The following UNC13B variants were observed in gnomAD, a reference collection of about 807,000 sequenced individuals.
UNC13B encodes protein unc-13 homolog B.
In UNC13B, 144 loss-of-function variants were observed where a neutral mutation model predicts 211.0. That is an observed-to-expected ratio of 0.68 (90% confidence interval 0.60 to 0.78). The LOEUF is 0.78. Among genes scored for constraint, UNC13B ranks in the 30% least tolerant of loss-of-function variants. The probability of loss-of-function intolerance (pLI) is 0.00; values close to 1 mark genes in which losing one functional copy is unlikely to be tolerated. For missense variants in UNC13B, 1,777 were observed against 2,002.0 expected (o/e 0.89, Z 2.14); for synonymous variants, 709 against 725.8 (o/e 0.98, Z 0.37).
intron 26 of UNC13B, among the ~76,000 whole-genome samples, chr9:35,392,954 CAAAT>C (rs1401956348): frequency 6.6e-6 from 1 of 152,088 alleles, no homozygotes; most frequent in Non-Finnish European, 1.5e-5. Context: ...TGAGTTTTGA[CAAAT>C]AAGCCCAACT....
intron 1 of UNC13B, among the ~76,000 whole-genome samples, chr9:35,208,843 T>C (rs1225757808): frequency 6.6e-6 from 1 of 152,182 alleles, no homozygotes; most frequent in Non-Finnish European, 1.5e-5. Context: ...ATCACTCTGA[T>C]AGTTTCAAGG....
At chr9:35,343,045 A>T (rs1179755516) in intron 11 of UNC13B, among the ~76,000 whole-genome samples, 1 of 152,248 alleles carries the variant, frequency 6.6e-6, no homozygotes, top group Non-Finnish European at 1.5e-5. Flanking sequence ...ACACATGCGC[A>T]ATAGACAGTC....
At chr9:35,219,617 CAAAAA>C (rs576502502) in intron 1 of UNC13B, among the ~76,000 whole-genome samples, 1 of 65,434 alleles carries the variant, frequency 1.5e-5, no homozygotes. Flanking sequence ...ACCCTGTGTC[CAAAAA>C]AAAAAAAAAA....
intron 26 of UNC13B, among the ~76,000 whole-genome samples, chr9:35,391,792 TG>T (rs1436615435): frequency 1.3e-4 from 20 of 152,050 alleles, no homozygotes; most frequent in Admixed American, 1.2e-3. Context: ...TAGTGTGAGG[TG>T]GGGCAGAGGT....
intron 1 of UNC13B, among the ~76,000 whole-genome samples, chr9:35,173,425 C>CT (rs11306638): frequency 0.018 from 2,495 of 142,436 alleles, 25 homozygotes; most frequent in Admixed American, 0.036. Flanking sequence ...CATAATCTAT[C>CT]TTTTTTTTTT....
rs886865347 is a variant in UNC13B, at chr9:35,390,011, T to C, written c.11222+38T>C. 9 of 1,609,838 alleles carry C rather than the reference T, an allele frequency of 5.6e-6. No homozygotes were observed. The Admixed American group carries it at 1.3e-4, about 24-fold the overall frequency. ...CTCTTTGGCCCTGTCTGTTGGTGGT[T>C]GGTCTGTCCATCTGTCTAACAACCT... On this transcript the variant is annotated intron_variant, in intron 25 of 39. Coordinates refer to ENST00000635942, the MANE Select transcript of UNC13B (RefSeq NM_001371189.2).
chr9:35,263,419 A>G (rs1827393012), intron 7 of UNC13B, among the ~76,000 whole-genome samples: 1 of 151,606 alleles, frequency 6.6e-6, no homozygotes, highest in Non-Finnish European at 1.5e-5. Flanking sequence ...ACGTACCAAA[A>G]TCCGTGCATA....
At chr9:35,314,091 T>C in intron 11 of UNC13B, 102 bp downstream of exon 11, 1 of 965,834 alleles carries the variant, frequency 1.0e-6, no homozygotes, top group South Asian at 1.3e-5. Context: ...CTTCTTACAG[T>C]GTGCTTCTGG....
intron 1 of UNC13B, among the ~76,000 whole-genome samples, chr9:35,176,742 A>C (rs916301263): frequency 2.0e-5 from 3 of 152,104 alleles, no homozygotes; most frequent in African/African-American, 7.2e-5. Flanking sequence ...AAAAAATACA[A>C]CTGATTTGTG....
chr9:35,269,250 C>T (rs1827743107), intron 7 of UNC13B, among the ~76,000 whole-genome samples: 1 of 152,116 alleles, frequency 6.6e-6, no homozygotes, highest in Non-Finnish European at 1.5e-5. Context: ...GCTCACAGAA[C>T]CCAGGAAAAC....
intron 37 of UNC13B, among the ~76,000 whole-genome samples, chr9:35,402,941 T>G (rs1836419680): frequency 6.6e-6 from 1 of 152,212 alleles, no homozygotes; most frequent in South Asian, 2.1e-4. Flanking sequence ...AGAGTCTTAG[T>G]GCACTTTTGG....
intron 11 of UNC13B, among the ~76,000 whole-genome samples, chr9:35,330,456 T>C (rs1466949759): frequency 6.6e-6 from 1 of 152,200 alleles, no homozygotes; most frequent in Non-Finnish European, 1.5e-5. Context: ...GTTATAGGGA[T>C]CTAGGCCACC....
chr9:35,389,653 T>C (rs886818890), intron 24 of UNC13B, among the ~76,000 whole-genome samples, 193 bp from the exon 25 acceptor site: 3 of 152,170 alleles, frequency 2.0e-5, no homozygotes, highest in Admixed American at 2.0e-4. Context: ...GCTCCCTGTG[T>C]TCAGGGATCT....
chr9:35,169,195 AT>A (rs1235964021), intron 1 of UNC13B, among the ~76,000 whole-genome samples: 4 of 152,182 alleles, frequency 2.6e-5, no homozygotes, highest in Admixed American at 2.0e-4. Context: ...TACTAAAAAA[AT>A]ATTTAAAAAT....
chr9:35,202,090 T>A (rs1383565804), intron 1 of UNC13B, among the ~76,000 whole-genome samples: 1 of 152,212 alleles, frequency 6.6e-6, no homozygotes, highest in Non-Finnish European at 1.5e-5. Flanking sequence ...TTCATTTTGT[T>A]ATGCATCCAG....
chr9:35,294,884 C>T (rs1829273926), intron 7 of UNC13B, among the ~76,000 whole-genome samples: 1 of 152,186 alleles, frequency 6.6e-6, no homozygotes, highest in African/African-American at 2.4e-5. Context: ...AACAAAAAAA[C>T]TGTAGCCAGT....
At chr9:35,399,612 T>C (rs1156828753) in intron 35 of UNC13B, 37 bp from the exon 36 acceptor site, 3 of 1,612,318 alleles carry the variant, frequency 1.9e-6, no homozygotes, top group East Asian at 2.2e-5. Context: ...TCATGACTGC[T>C]GTGAGCTGTC....
intron 1 of UNC13B, among the ~76,000 whole-genome samples, chr9:35,214,538 G>A (rs1824151990): frequency 6.6e-6 from 1 of 152,120 alleles, no homozygotes; most frequent in Non-Finnish European, 1.5e-5. Flanking sequence ...CAAGTGAAGA[G>A]TATTATTGAA....
chr9:35,273,577 C>T (rs1328710016), intron 7 of UNC13B, among the ~76,000 whole-genome samples: 1 of 152,188 alleles, frequency 6.6e-6, no homozygotes, highest in East Asian at 1.9e-4. Context: ...TGTCTTATTT[C>T]TAATATTCTA....
Sources: gnomAD v4.1 joint callset for allele counts (sites outside exome capture counted in the v4.1 genomes callset) on GRCh38, gnomAD v4.1.1 for gene constraint, MANE v1.5 for transcripts, NCBI Gene and HGNC (gene_info 2026-07-23, HGNC 2026-07-21) for gene names.